Variants in MINDY4 observed in about 807,000 individuals in gnomAD.
MINDY4 encodes the protein MINDY lysine 48 deubiquitinase 4.
MINDY4 carries 68 observed loss-of-function variants against 87.0 expected under a neutral mutation model. That is an observed-to-expected ratio of 0.78 (90% CI 0.64 to 0.96). MINDY4 has a LOEUF of 0.96. Ranked by LOEUF, MINDY4 falls within the 40% of genes least tolerant of loss-of-function variation. MINDY4 has a pLI of 0.00. For missense variants in MINDY4, 919 were observed against 928.2 expected (o/e 0.99, Z 0.13); for synonymous variants, 379 against 363.2 (o/e 1.04, Z -0.50).
At chr7:30,875,410 C>G in intron 14 of MINDY4, 85 bp from the exon 15 acceptor site, 1 of 1,460,344 alleles carries the variant, frequency 6.8e-7, no homozygotes, top group South Asian at 1.1e-5. Flanking sequence ...CTTCTCCACC[C>G]TTTTTGTCTT....
chr7:30,809,068 AC>A (rs1408644048), intron 5 of MINDY4, among the ~76,000 whole-genome samples: 5 of 152,164 alleles, frequency 3.3e-5, no homozygotes, highest in African/African-American at 1.2e-4. Context: ...AGAAAAAAAA[AC>A]AGTGTACCCT....
At chr7:30,883,845 TG>T (rs1381763002) in intron 17 of MINDY4, among the ~76,000 whole-genome samples, 4 of 151,982 alleles carry the variant, frequency 2.6e-5, no homozygotes, top group Middle Eastern at 3.2e-3. Context: ...AGAAGTCGCC[TG>T]GGTTCCAGCC....
chr7:30,891,430 CTG>C (rs1485249842), intron 17 of MINDY4, among the ~76,000 whole-genome samples: 1 of 148,554 alleles, frequency 6.7e-6, no homozygotes, highest in Non-Finnish European at 1.5e-5. Context: ...AAACAAAAAA[CTG>C]TCGTGTTACT....
intron 1 of MINDY4, 35 bp downstream of exon 1, chr7:30,771,591 G>C (rs1487228490): frequency 7.7e-6 from 12 of 1,566,118 alleles, no homozygotes; most frequent in Non-Finnish European, 9.5e-6. Context: ...CCAGGAAGTG[G>C]CTCTAATTTG....
chr7:30,786,154 A>G, intron 4 of MINDY4, 162 bp downstream of exon 4: 1 of 908,070 alleles, frequency 1.1e-6, no homozygotes, highest in East Asian at 2.5e-5. Flanking sequence ...CCCTGGCTCT[A>G]CTGTCAATGA....
At chr7:30,866,511 G>T (rs962505521) in intron 13 of MINDY4, among the ~76,000 whole-genome samples, 1 of 152,204 alleles carries the variant, frequency 6.6e-6, no homozygotes, top group Non-Finnish European at 1.5e-5. Context: ...CTGGAGACCA[G>T]TTCTAGCCCT....
chr7:30,871,104 C>T (rs1016679635), intron 13 of MINDY4, among the ~76,000 whole-genome samples: 3 of 151,394 alleles, frequency 2.0e-5, no homozygotes, highest in African/African-American at 7.3e-5. Context: ...AGTTGTGACT[C>T]CCAGGGTCGT....
intron 9 of MINDY4, among the ~76,000 whole-genome samples, chr7:30,845,668 G>T (rs945879428): frequency 2.0e-5 from 3 of 152,162 alleles, no homozygotes; most frequent in African/African-American, 7.2e-5. Flanking sequence ...CTGTGTGCGG[G>T]GTCTGCCTTG....
At chr7:30,867,231 G>C (rs1789965613) in intron 13 of MINDY4, among the ~76,000 whole-genome samples, 2 of 152,172 alleles carry the variant, frequency 1.3e-5, no homozygotes, top group African/African-American at 4.8e-5. Context: ...GATATCCGCT[G>C]TATCCAAATC....
chr7:30,862,953 T>C (rs541237765), intron 13 of MINDY4, among the ~76,000 whole-genome samples: 1 of 152,188 alleles, frequency 6.6e-6, no homozygotes, highest in Non-Finnish European at 1.5e-5. Flanking sequence ...CGGAATGACT[T>C]TGATTAGAGC....
At chr7:30,860,558 C>A (rs922892132) in intron 13 of MINDY4, among the ~76,000 whole-genome samples, 2 of 152,094 alleles carry the variant, frequency 1.3e-5, no homozygotes, top group East Asian at 3.9e-4. Flanking sequence ...CTCCAGATCT[C>A]CCTGAGGGGA....
chr7:30,787,953 A>G (rs1787203271), intron 4 of MINDY4, among the ~76,000 whole-genome samples: 1 of 152,252 alleles, frequency 6.6e-6, no homozygotes, highest in Non-Finnish European at 1.5e-5. Flanking sequence ...TACAAAAATC[A>G]TTAAAAATAA....
At chr7:30,890,342 A>G (rs938537045) in intron 17 of MINDY4, among the ~76,000 whole-genome samples, 2 of 152,230 alleles carry the variant, frequency 1.3e-5, no homozygotes, top group Non-Finnish European at 2.9e-5. Context: ...ACATCCTTAC[A>G]TTCCCCGATG....
At chr7:30,861,699 G>A (rs943648432) in intron 13 of MINDY4, among the ~76,000 whole-genome samples, 1 of 152,242 alleles carries the variant, frequency 6.6e-6, no homozygotes, top group Non-Finnish European at 1.5e-5. Context: ...GGTACAAGCC[G>A]GGAATAATGG....
chr7:30,836,919 G>A (rs575155061), intron 7 of MINDY4, among the ~76,000 whole-genome samples, 155 bp downstream of exon 7: 10 of 152,274 alleles, frequency 6.6e-5, no homozygotes, highest in African/African-American at 1.9e-4. Flanking sequence ...AATGTGAACC[G>A]AGAGTCAGGA....
intron 17 of MINDY4, among the ~76,000 whole-genome samples, chr7:30,883,240 G>T (rs1029045656): frequency 1.3e-5 from 2 of 152,220 alleles, no homozygotes; most frequent in Non-Finnish European, 2.9e-5. Context: ...GGTTGGGGGT[G>T]GGGGCTAAAT....
chr7:30,856,587 G>A (rs2391921), intron 12 of MINDY4, among the ~76,000 whole-genome samples: 6 of 152,086 alleles, frequency 3.9e-5, no homozygotes, highest in Admixed American at 1.3e-4. Flanking sequence ...AGGCATTGGC[G>A]GAAGGGGAAA....
intron 9 of MINDY4, among the ~76,000 whole-genome samples, chr7:30,846,197 C>A (rs976013980): frequency 6.6e-6 from 1 of 152,192 alleles, no homozygotes; most frequent in African/African-American, 2.4e-5. Context: ...AGCCTTTCTA[C>A]CCCCTATTGC....
rs781669272 is a variant in MINDY4, at chr7:30,882,973, C to G, written c.2205C>G (p.Leu735=). The G allele has an allele frequency of 1.2e-6, 2 of 1,614,060 alleles. No individual in the cohort carries two copies. Among genetic ancestry groups the G allele is most frequent in the East Asian group, 2.2e-5 (1 of 44,864 alleles). Residue 735 remains leucine, a synonymous_variant, in exon 17 of 18, where the codon CTC becomes CTG. Transcript: ENST00000265299. The part of the protein sequence containing the change: ...EDTDNDLVPP[L]ELCIRTKWKG... ...CAGACAACGACCTTGTCCCACCCCTCGAGCTCTGCATCAGAACCAAGTGAG... is the reference window on the plus strand; with the variant it reads ...CAGACAACGACCTTGTCCCACCCCTGGAGCTCTGCATCAGAACCAAGTGAG...
Sources: gnomAD v4.1 joint callset for allele counts (sites outside exome capture counted in the v4.1 genomes callset) on GRCh38, gnomAD v4.1.1 for gene constraint, MANE v1.5 for transcripts, NCBI Gene and HGNC (gene_info 2026-07-23, HGNC 2026-07-21) for gene names.